The following ADCY1 variants were observed in gnomAD, a reference collection of about 807,000 sequenced individuals.
ADCY1 encodes adenylate cyclase 1.
In ADCY1, 28 loss-of-function variants were observed where a neutral mutation model predicts 105.4. That is an observed-to-expected ratio of 0.27 (90% CI 0.20 to 0.36). The LOEUF (loss-of-function observed/expected upper bound fraction) is 0.36, where lower values mean the gene tolerates loss of function less well. Among genes scored for constraint, ADCY1 ranks in the 10% least tolerant of loss-of-function variants. The pLI, the probability that ADCY1 is intolerant of heterozygous loss-of-function variation, is 1.00. For missense variants in ADCY1, 977 were observed against 1,434.2 expected (o/e 0.68, Z 5.15); for synonymous variants, 655 against 623.8 (o/e 1.05, Z -0.75).
intron 8 of ADCY1, among the ~76,000 whole-genome samples, chr7:45,662,805 C>T (rs543603175): frequency 6.6e-6 from 1 of 152,314 alleles, no homozygotes; most frequent in African/African-American, 2.4e-5. Context: ...GATTCCCCAC[C>T]CCCGGACCCC....
At chr7:45,677,842 A>G in intron 8 of ADCY1, 27 bp from the exon 9 acceptor site, 1 of 1,599,076 alleles carries the variant, frequency 6.3e-7, no homozygotes, top group Non-Finnish European at 8.5e-7. Flanking sequence ...ATTTGATGAT[A>G]CTCCTTTATT....
rs112252936 is a variant in ADCY1, at chr7:45,620,206, A to G, written c.909-2426A>G. ...TATTTAAAATAGTCGAAATCATAGA[A>G]TTAAAGAGTGTCATTGTGGTTATAG... is the stretch of plus-strand genomic sequence containing the variant. On this transcript the variant is annotated intron_variant, in intron 3 of 19. Transcript: ENST00000297323. Among the ~76,000 whole-genome samples, 592 of 152,324 alleles carry G rather than the reference A, an allele frequency of 3.9e-3. 3 individuals carry two copies. Among genetic ancestry groups the G allele is most frequent in the African/African-American group, 0.013 (538 of 41,576 alleles).
intron 4 of ADCY1, among the ~76,000 whole-genome samples, chr7:45,632,711 A>G (rs1280533382): frequency 6.6e-6 from 1 of 151,830 alleles, no homozygotes; most frequent in Non-Finnish European, 1.5e-5. Context: ...CGACAGGCAC[A>G]TGCCACCATG....
rs758903925 is a variant in ADCY1, at chr7:45,703,794, A to G, written c.2718+48A>G. On this transcript the variant is annotated intron_variant, in intron 16 of 19. Transcript: ENST00000297323. This position sits in a 1 kb window ranked among gnomAD's most constrained non-coding sequence, Gnocchi z 5.9. ...TGACCCCGCCTGGTTGTGGTGGTGC[A>G]TCCTGTTGCGTGGGCAGAGCGTGTC... 2.6e-6 allele frequency: 4 copies of G among 1,530,760 alleles called. No individual in the cohort carries two copies. Among genetic ancestry groups the G allele is most frequent in the Non-Finnish European group, 2.6e-6 (3 of 1,136,680 alleles). 94.8% of individuals were successfully genotyped at this position (1,530,760 alleles called of 1,614,324 possible). A position where few individuals can be genotyped will look rare whatever the true frequency, so the allele number is the denominator to read the frequency against.
chr7:45,642,066 G>C (rs1183506498), intron 4 of ADCY1, among the ~76,000 whole-genome samples: 2 of 151,960 alleles, frequency 1.3e-5, no homozygotes, highest in Admixed American at 6.6e-5. Flanking sequence ...AGACAGTCCC[G>C]TGCCATTGAG....
rs144090619 is a variant in ADCY1 at position 45,603,904 on chromosome 7, A to C, written c.790-6475A>C. ...TCAATATTTGTTTCTTTTTATTACT[A>C]AGTGGCATTCTATGGTGTGGCTGTA... On this transcript the variant is annotated intron_variant, in intron 2 of 19. Coordinates refer to ENST00000297323, the MANE Select transcript of ADCY1 (RefSeq NM_021116.4). Among the ~76,000 whole-genome samples, 9 of 152,246 alleles carry C rather than the reference A, an allele frequency of 5.9e-5. No homozygotes were observed. The East Asian group carries it at 1.2e-3, about 20-fold the overall frequency.
chr7:45,660,046 G>A lies in ADCY1; in HGVS notation c.1312G>A (p.Val438Ile), dbSNP rs1479485303. 6.2e-7 allele frequency: 1 copy of A among 1,614,150 alleles called. No individual in the cohort carries two copies. The highest frequency in any genetic ancestry group is 1.7e-5 in the Admixed American group (1 of 60,020). Residue 438 changes from valine (V) to isoleucine (I), a missense_variant, in exon 7 of 20, where the codon GTT becomes ATT. Around this residue, in one of 7 missense-constraint regions of ADCY1, gnomAD observed 66 missense variants for 127.2 expected, o/e 0.52. Transcript: ENST00000297323. ...CTCTGCCTCCTCCTTTTGTAGGAAG[G>A]TTCATATCACAAAGACGACCCTAGC... ...VMEAAGLPGK[V>I]HITKTTLACL...
At chr7:45,579,512 C>G (rs368508495) in intron 1 of ADCY1, among the ~76,000 whole-genome samples, 1 of 152,148 alleles carries the variant, frequency 6.6e-6, no homozygotes, top group African/African-American at 2.4e-5. Context: ...CCCACTGGCC[C>G]GCTTATCTTC....
intron 7 of ADCY1, among the ~76,000 whole-genome samples, chr7:45,660,666 A>AG (rs1562712250): frequency 6.6e-6 from 1 of 152,162 alleles, no homozygotes; most frequent in Non-Finnish European, 1.5e-5. Flanking sequence ...GGTCAGGCTC[A>AG]GGTGAGGGTG....
chr7:45,610,630 G>A, intron 3 of ADCY1, 133 bp downstream of exon 3: 5 of 784,492 alleles, frequency 6.4e-6, no homozygotes, highest in Non-Finnish European at 8.7e-6. Context: ...GGGGTGTGGA[G>A]GTAATGGTGA....
rs748168430 is a variant in ADCY1, at chr7:45,721,338, T to G, written c.*7343T>G. 4.7e-6 allele frequency: 1 copy of G among 211,514 alleles called. No homozygotes were observed. Among genetic ancestry groups the G allele is most frequent in the Non-Finnish European group, 9.3e-6 (1 of 107,224 alleles). The allele number at this position is 211,514 out of a possible 1,614,324, so 13.1% of individuals were successfully genotyped here. A position where few individuals can be genotyped will look rare whatever the true frequency, so the allele number is the denominator to read the frequency against. On this transcript the variant is annotated 3_prime_UTR_variant, in exon 20 of 20. Transcript: ENST00000297323. Reference sequence around the variant, plus strand: ...ACTGATCCCCAGCAAGGAAATAAAATGTTAGGCTTTAAAAATCCCTACTTT... The same window carrying G: ...ACTGATCCCCAGCAAGGAAATAAAAGGTTAGGCTTTAAAAATCCCTACTTT...
chr7:45,642,821 A>G (rs185993164), intron 4 of ADCY1, among the ~76,000 whole-genome samples: 2 of 152,312 alleles, frequency 1.3e-5, no homozygotes, highest in Non-Finnish European at 2.9e-5. Context: ...TTTGTGTTGC[A>G]TTTGACTTTG....
intron 1 of ADCY1, among the ~76,000 whole-genome samples, chr7:45,587,710 G>T (rs1013212316): frequency 3.3e-5 from 5 of 152,158 alleles, no homozygotes; most frequent in Admixed American, 2.6e-4. Context: ...TGTCTAGCAT[G>T]AGGGATGCTA....
intron 4 of ADCY1, among the ~76,000 whole-genome samples, chr7:45,638,034 T>C (rs536357985): frequency 6.6e-6 from 1 of 152,360 alleles, no homozygotes; most frequent in South Asian, 2.1e-4. Context: ...TTAAGAAATT[T>C]GATTTTGATG....
intron 8 of ADCY1, among the ~76,000 whole-genome samples, chr7:45,673,387 T>G (rs956470471): frequency 2.0e-5 from 3 of 152,184 alleles, no homozygotes; most frequent in Non-Finnish European, 4.4e-5. Flanking sequence ...CTAGAATTTG[T>G]CAGTGAAACC....
chr7:45,582,420 A>G (rs1792579358), intron 1 of ADCY1, among the ~76,000 whole-genome samples: 1 of 152,124 alleles, frequency 6.6e-6, no homozygotes, highest in African/African-American at 2.4e-5. Context: ...AGTGAGGGCT[A>G]GTGGGAGGGC....
At chr7:45,691,841 AC>A (rs1458982323) in intron 14 of ADCY1, among the ~76,000 whole-genome samples, 1 of 152,160 alleles carries the variant, frequency 6.6e-6, no homozygotes, top group African/African-American at 2.4e-5. Flanking sequence ...TAAGTTAGAG[AC>A]CTGGTTCCAC....
At chr7:45,581,775 C>T (rs1792552208) in intron 1 of ADCY1, among the ~76,000 whole-genome samples, 1 of 152,098 alleles carries the variant, frequency 6.6e-6, no homozygotes, top group African/African-American at 2.4e-5. Context: ...TATATCCATC[C>T]TTCCTCTTTG....
Position 45,721,705 on chromosome 7 carries a change from G to A in ADCY1, c.*7710G>A. 1 of 398,630 alleles carries A rather than the reference G, an allele frequency of 2.5e-6. No homozygotes were observed. Among genetic ancestry groups the A allele is most frequent in the Non-Finnish European group, 4.4e-6 (1 of 226,140 alleles). The allele number at this position is 398,630 out of a possible 1,614,324, so 24.7% of individuals were successfully genotyped here. ...CCGGGTGCCTTCCCAGGGGTTAGAG[G>A]ATGTTCAAAGGGCCGATTTCAGCAG... On this transcript the variant is annotated 3_prime_UTR_variant, in exon 20 of 20. Coordinates refer to ENST00000297323, the MANE Select transcript of ADCY1 (RefSeq NM_021116.4).
Sources: allele counts gnomAD v4.1 joint callset (sites outside exome capture counted in the v4.1 genomes callset), GRCh38; gene constraint gnomAD v4.1.1; regional missense constraint gnomAD v4.1.1; non-coding constraint Gnocchi (gnomAD v3.1); transcripts MANE v1.5; gene names NCBI Gene and HGNC (gene_info 2026-07-23, HGNC 2026-07-21).